GFM1: variants seen among roughly 807,000 people sequenced by gnomAD.
GFM1 encodes G elongation factor mitochondrial 1.
A neutral mutation model predicts 96.2 loss-of-function variants in GFM1; 62 were observed. The observed-to-expected ratio is 0.64, with a 90% CI of 0.53 to 0.80. The LOEUF is 0.80. Among genes scored for constraint, GFM1 ranks in the 30% least tolerant of loss-of-function variants. The pLI is 0.00. For synonymous variants in GFM1, 282 were observed against 312.9 expected (o/e 0.90, Z 1.04); for missense variants, 852 against 916.6 (o/e 0.93, Z 0.91).
chr3:158,687,213 G>C (rs1042159680), intron 15 of GFM1, among the ~76,000 whole-genome samples: 5 of 151,912 alleles, frequency 3.3e-5, no homozygotes, highest in African/African-American at 1.2e-4. Context: ...GTATTGCTTT[G>C]TTGCCCAGGC....
intron 13 of GFM1, among the ~76,000 whole-genome samples, chr3:158,676,262 G>A (rs1223600640): frequency 6.6e-6 from 1 of 152,004 alleles, no homozygotes; most frequent in Non-Finnish European, 1.5e-5. Flanking sequence ...ACCAGACCCT[G>A]TCTCAAAAAA....
chr3:158,653,347 C>T lies in GFM1; in HGVS notation c.878C>T (p.Thr293Ile). The change falls in exon 7 of 18, where the codon ACT becomes ATT. Residue 293 changes from threonine to isoleucine, a missense_variant. Coordinates refer to ENST00000486715, the MANE Select transcript of GFM1 (RefSeq NM_024996.7). ...AGAGCTACTCTGAAAAGATCATTTA[C>T]TCCTGTATTTTTGGGAAGCGCCTTG... Reference protein sequence around the residue: ...IRRATLKRSFTPVFLGSALKN... With the variant: ...IRRATLKRSFIPVFLGSALKN... 1 of 1,613,584 alleles carries T rather than the reference C, an allele frequency of 6.2e-7. No individual in the cohort carries two copies. The highest frequency in any genetic ancestry group is 8.5e-7 in the Non-Finnish European group (1 of 1,179,676).
chr3:158,684,581 C>T lies in GFM1; in HGVS notation c.1822C>T (p.Arg608Trp), dbSNP rs762576741. Residue 608 changes from arginine to tryptophan, a missense_variant, in exon 15 of 18, where the codon CGG becomes TGG. Physicochemically the swap from Arg to Trp is moderately radical, Grantham distance 101 (BLOSUM62 -3). Transcript: ENST00000486715. ...PLSGHKLSGL[R>W]FVLQDGAHHM... is the part of the protein sequence containing the mutation. ...TTCTGGTCACAAGCTCTCTGGGCTCCGGTTTGTCCTGCAAGATGGAGCACA... is the reference window on the plus strand; with the variant it reads ...TTCTGGTCACAAGCTCTCTGGGCTCTGGTTTGTCCTGCAAGATGGAGCACA... 6.2e-6 allele frequency: 10 copies of T among 1,613,968 alleles called. No individual in the cohort carries two copies. The highest frequency in any genetic ancestry group is 5.0e-5 in the Admixed American group (3 of 59,960).
At chr3:158,674,580 A>G (rs1352184302) in intron 13 of GFM1, among the ~76,000 whole-genome samples, 4 of 152,216 alleles carry the variant, frequency 2.6e-5, no homozygotes, top group Non-Finnish European at 4.4e-5. Flanking sequence ...GAAATAAAAA[A>G]ATAAGACTTT....
chr3:158,658,128 G>A (rs1344118514), intron 8 of GFM1, among the ~76,000 whole-genome samples: 4 of 144,888 alleles, frequency 2.8e-5, no homozygotes, highest in African/African-American at 1.0e-4. Flanking sequence ...ATTGGTCACT[G>A]CTAGTATATT....
chr3:158,683,699 C>G (rs746594260), intron 14 of GFM1, among the ~76,000 whole-genome samples: 1 of 152,082 alleles, frequency 6.6e-6, no homozygotes, highest in Non-Finnish European at 1.5e-5. Flanking sequence ...TTTGCCTTTC[C>G]GCTGCTTCCT....
intron 13 of GFM1, among the ~76,000 whole-genome samples, chr3:158,679,259 G>T (rs950973946): frequency 4.5e-4 from 69 of 152,232 alleles, no homozygotes; most frequent in African/African-American, 1.5e-3. Context: ...CTACAGTATC[G>T]TGTAAACATA....
rs1726309367 is a variant in GFM1, at chr3:158,691,402, G to A, written c.2191G>A (p.Val731Ile). The A allele has an allele frequency of 3.7e-6, 6 of 1,613,564 alleles. No individual in the cohort carries two copies. Among genetic ancestry groups the A allele is most frequent in the Admixed American group, 1.7e-5 (1 of 59,994 alleles). Reference protein sequence around the residue: ...QPCLPSTQEDVINKYLEATGQ... With the variant: ...QPCLPSTQEDIINKYLEATGQ... ...ATGTTTACCATCCACACAAGAAGAC[G>A]TCATTAATAAGTATTTGGAAGCTAC... The change falls in exon 18 of 18, where the codon GTC becomes ATC. Residue 731 changes from valine to isoleucine, a missense_variant. Transcript: ENST00000486715.
intron 13 of GFM1, among the ~76,000 whole-genome samples, chr3:158,673,796 G>A (rs903561476): frequency 6.6e-6 from 1 of 151,970 alleles, no homozygotes; most frequent in Non-Finnish European, 1.5e-5. Context: ...AAGCCACCAT[G>A]CCTGGCCAGG....
chr3:158,689,530 A>G (rs1242701963), intron 15 of GFM1, among the ~76,000 whole-genome samples: 3 of 152,148 alleles, frequency 2.0e-5, no homozygotes, highest in Non-Finnish European at 4.4e-5. Flanking sequence ...TTTTCTTATA[A>G]TTAAAAATAA....
intron 1 of GFM1, 36 bp downstream of exon 1, chr3:158,644,751 C>T: frequency 6.6e-7 from 1 of 1,522,494 alleles, no homozygotes; most frequent in Non-Finnish European, 8.9e-7. Context: ...CGGGACCATT[C>T]CCGGAACCTT....
intron 4 of GFM1, among the ~76,000 whole-genome samples, chr3:158,647,461 A>G (rs966145): frequency 0.41 from 62,883 of 151,844 alleles, 14,111 homozygotes; most frequent in African/African-American, 0.6. Context: ...TAAATTTTAC[A>G]CAATATTATA....
chr3:158,644,997 T>G, intron 1 of GFM1: 1 of 376,886 alleles, frequency 2.7e-6, no homozygotes. Context: ...TTTTTTTTTT[T>G]TGCCTCTCTT....
chr3:158,668,655 C>T (rs1723961206), intron 13 of GFM1, among the ~76,000 whole-genome samples: 1 of 152,184 alleles, frequency 6.6e-6, no homozygotes, highest in African/African-American at 2.4e-5. Context: ...CACTGAAATC[C>T]TTGGCTTTGC....
chr3:158,668,145 T>C (rs965806905), intron 13 of GFM1, among the ~76,000 whole-genome samples: 2 of 152,136 alleles, frequency 1.3e-5, no homozygotes, highest in Admixed American at 6.5e-5. Context: ...CCATGGAGGA[T>C]TGGTTCCAAG....
chr3:158,646,325 G>A, intron 3 of GFM1, 28 bp downstream of exon 3: 1 of 1,612,744 alleles, frequency 6.2e-7, no homozygotes, highest in Non-Finnish European at 8.5e-7. Flanking sequence ...TTTTATTGCA[G>A]CTTCTTTGGC....
At chr3:158,687,376 T>A (rs1454231951) in intron 15 of GFM1, among the ~76,000 whole-genome samples, 2 of 152,164 alleles carry the variant, frequency 1.3e-5, no homozygotes, top group African/African-American at 4.8e-5. Flanking sequence ...AGAAATAAGT[T>A]ACATTGCTGT....
chr3:158,655,552 TACA>T (rs1224824216), intron 8 of GFM1, among the ~76,000 whole-genome samples: 6 of 152,018 alleles, frequency 3.9e-5, no homozygotes, highest in Non-Finnish European at 7.4e-5. Flanking sequence ...ATTCTTATAG[TACA>T]ACATTATTCA....
chr3:158,683,630 C>T (rs775697815), intron 14 of GFM1, among the ~76,000 whole-genome samples: 2 of 152,194 alleles, frequency 1.3e-5, no homozygotes, highest in Non-Finnish European at 2.9e-5. Flanking sequence ...GGGCTCAAGA[C>T]ACAGCTAGTG....
Sources: allele counts gnomAD v4.1 joint callset (sites outside exome capture counted in the v4.1 genomes callset), GRCh38; gene constraint gnomAD v4.1.1; transcripts MANE v1.5; gene names NCBI Gene and HGNC (gene_info 2026-07-23, HGNC 2026-07-21).